PTPRM: variants seen among roughly 807,000 people sequenced by gnomAD.
The protein encoded by PTPRM is protein tyrosine phosphatase receptor type M.
PTPRM carries 47 observed loss-of-function variants against 186.7 expected under a neutral mutation model. The ratio of observed to expected loss-of-function variants is 0.25; its 90% CI spans 0.20 to 0.32. The LOEUF (loss-of-function observed/expected upper bound fraction) is 0.32. PTPRM is among the 10% of genes least tolerant of loss of function. The pLI is 1.00. For missense variants in PTPRM, 1,494 were observed against 1,865.0 expected (o/e 0.80, Z 3.66); for synonymous variants, 668 against 674.9 (o/e 0.99, Z 0.16).
At chr18:7,930,220 C>A (rs2051402451) in intron 5 of PTPRM, among the ~76,000 whole-genome samples, 1 of 151,978 alleles carries the variant, frequency 6.6e-6, no homozygotes, top group Admixed American at 6.6e-5. Flanking sequence ...AGGTGTGCAC[C>A]ACCACACCTG....
intron 5 of PTPRM, among the ~76,000 whole-genome samples, chr18:7,930,364 C>A (rs60647787): frequency 6.6e-6 from 1 of 152,104 alleles, no homozygotes; most frequent in Non-Finnish European, 1.5e-5. Flanking sequence ...GCCACCATGC[C>A]CGACCTATTT....
At chr18:7,863,697 T>G (rs1328249986) in intron 2 of PTPRM, among the ~76,000 whole-genome samples, 1 of 152,208 alleles carries the variant, frequency 6.6e-6, no homozygotes, top group Non-Finnish European at 1.5e-5. Flanking sequence ...TGATTTATAA[T>G]CCTTTGAGTA....
At chr18:8,200,422 A>G (rs1342079567) in intron 14 of PTPRM, among the ~76,000 whole-genome samples, 2 of 152,190 alleles carry the variant, frequency 1.3e-5, no homozygotes, top group Non-Finnish European at 2.9e-5. Context: ...GTCACAAGAC[A>G]TTGTTGTTTT....
chr18:7,757,891 G>A (rs2041581452), intron 1 of PTPRM, among the ~76,000 whole-genome samples: 1 of 152,124 alleles, frequency 6.6e-6, no homozygotes, highest in Non-Finnish European at 1.5e-5. Context: ...GGATGCTGGT[G>A]GTGATGCCCT....
chr18:8,406,311 A>G lies in PTPRM; in HGVS notation c.*149A>G. 1 of 728,050 alleles carries G rather than the reference A, an allele frequency of 1.4e-6. No homozygotes were observed. The highest frequency in any genetic ancestry group is 2.2e-6 in the Non-Finnish European group (1 of 446,154). 45.1% of individuals were successfully genotyped at this position (728,050 alleles called of 1,614,324 possible). A position where few individuals can be genotyped will look rare whatever the true frequency, so the allele number is the denominator to read the frequency against. ...TTAAGAGCCCAAGAAAGTGTTTCTA[A>G]AATTGCTTGCACTGCCCAATCCCAG... On this transcript the variant is annotated 3_prime_UTR_variant, in exon 33 of 33. Transcript: ENST00000580170.
intron 26 of PTPRM, 54 bp downstream of exon 26, chr18:8,376,651 A>G (rs949567934): frequency 1.7e-5 from 27 of 1,560,924 alleles, no homozygotes; most frequent in Admixed American, 1.2e-4. Flanking sequence ...TCCCTCCTGC[A>G]TCTCCCCATT....
chr18:8,402,131 G>A (rs1177386625), intron 32 of PTPRM, among the ~76,000 whole-genome samples: 1 of 152,208 alleles, frequency 6.6e-6, no homozygotes, highest in Admixed American at 6.5e-5. Context: ...GGAAACTGCA[G>A]CAGATAGACC....
intron 1 of PTPRM, among the ~76,000 whole-genome samples, chr18:7,742,210 TA>T (rs1346439989): frequency 6.6e-6 from 1 of 152,246 alleles, no homozygotes; most frequent in Non-Finnish European, 1.5e-5. Context: ...TATATACAGT[TA>T]AAGTCAAATT....
intron 7 of PTPRM, among the ~76,000 whole-genome samples, chr18:8,042,897 C>A (rs1486306644): frequency 2.0e-5 from 3 of 152,176 alleles, no homozygotes; most frequent in South Asian, 2.1e-4. Flanking sequence ...ATGTACTCAT[C>A]GCCAAGACAG....
intron 7 of PTPRM, among the ~76,000 whole-genome samples, chr18:8,019,661 C>G (rs1227392074): frequency 6.6e-6 from 1 of 151,026 alleles, no homozygotes; most frequent in African/African-American, 2.4e-5. Flanking sequence ...TGTTTACTAT[C>G]TGGAATTAAA....
Position 7,568,040 on chromosome 18 carries a change from G to A in PTPRM, c.73+149G>A. Reference sequence around the variant, plus strand: ...GGCCGGACACCGCTTCTGCCTGTGAGCCGGGCGCTGGGCGAGGGGCCGTGG... The same window carrying A: ...GGCCGGACACCGCTTCTGCCTGTGAACCGGGCGCTGGGCGAGGGGCCGTGG... On this transcript the variant is annotated intron_variant, in intron 1 of 32. Coordinates refer to ENST00000580170, the MANE Select transcript of PTPRM (RefSeq NM_001105244.2). The surrounding 1 kb of genome is among the most constrained non-coding windows in gnomAD (Gnocchi z 5.1). 1 of 745,082 alleles carries A rather than the reference G, an allele frequency of 1.3e-6. No homozygotes were observed. Among genetic ancestry groups the A allele is most frequent in the Non-Finnish European group, 1.9e-6 (1 of 533,328 alleles). The allele number at this position is 745,082 out of a possible 1,614,324, so 46.2% of individuals were successfully genotyped here. A position where few individuals can be genotyped will look rare whatever the true frequency, so the allele number is the denominator to read the frequency against.
intron 2 of PTPRM, among the ~76,000 whole-genome samples, chr18:7,863,911 A>G (rs1401343918): frequency 2.0e-5 from 3 of 152,154 alleles, no homozygotes; most frequent in Admixed American, 6.5e-5. Context: ...GTGAGATGGT[A>G]TCTCATTGTG....
intron 7 of PTPRM, among the ~76,000 whole-genome samples, chr18:8,056,943 G>A (rs546251477): frequency 3.3e-4 from 50 of 152,074 alleles, no homozygotes; most frequent in African/African-American, 1.1e-3. Flanking sequence ...TAGAGAAAAG[G>A]TAAACTCAGC....
intron 13 of PTPRM, among the ~76,000 whole-genome samples, chr18:8,118,057 T>A (rs757693016): frequency 2.0e-5 from 3 of 152,164 alleles, no homozygotes; most frequent in Non-Finnish European, 4.4e-5. Context: ...GAAGGCTTCA[T>A]TGATGATCAA....
chr18:8,281,249 C>T (rs1293828450), intron 19 of PTPRM, among the ~76,000 whole-genome samples: 2 of 152,204 alleles, frequency 1.3e-5, no homozygotes, highest in African/African-American at 2.4e-5. Flanking sequence ...TGCTCCTTCT[C>T]AGCCTTTCCT....
intron 1 of PTPRM, among the ~76,000 whole-genome samples, chr18:7,610,018 A>G (rs546362511): frequency 5.3e-5 from 8 of 152,338 alleles, no homozygotes; most frequent in Admixed American, 1.3e-4. Context: ...GACAGTGATA[A>G]TTATATTACA....
intron 11 of PTPRM, among the ~76,000 whole-genome samples, chr18:8,112,474 G>A (rs765309317): frequency 2.0e-5 from 3 of 152,148 alleles, no homozygotes; most frequent in Non-Finnish European, 2.9e-5. Context: ...CTTGGTTCCT[G>A]GGAATTCTGG....
At chr18:8,345,820 CAT>C (rs2148284723) in intron 23 of PTPRM, among the ~76,000 whole-genome samples, 1 of 152,054 alleles carries the variant, frequency 6.6e-6, no homozygotes, top group African/African-American at 2.4e-5. Flanking sequence ...AGGTGCCACA[CAT>C]AGATAGGAAG....
chr18:7,898,460 G>A (rs1291141056), intron 3 of PTPRM, among the ~76,000 whole-genome samples: 1 of 152,196 alleles, frequency 6.6e-6, no homozygotes, highest in East Asian at 1.9e-4. Context: ...AGGCTGTGGT[G>A]TTAAACTGCT....
Sources: allele counts gnomAD v4.1 joint callset (sites outside exome capture counted in the v4.1 genomes callset), GRCh38; gene constraint gnomAD v4.1.1; non-coding constraint Gnocchi (gnomAD v3.1); transcripts MANE v1.5; gene names NCBI Gene and HGNC (gene_info 2026-07-23, HGNC 2026-07-21).